The following AFF3 variants were observed in gnomAD, a reference collection of about 807,000 sequenced individuals.
AFF3 encodes the protein ALF transcription elongation factor 3, also known as AF4/FMR2 family member 3.
In AFF3, 32 loss-of-function variants were observed where a neutral mutation model predicts 129.7. The ratio of observed to expected loss-of-function variants is 0.25; its 90% CI spans 0.19 to 0.33. AFF3 has a LOEUF of 0.33. Among genes scored for constraint, AFF3 ranks in the 10% least tolerant of loss-of-function variants. The probability of loss-of-function intolerance (pLI) is 1.00; values close to 1 mark genes in which losing one functional copy is unlikely to be tolerated. For synonymous variants in AFF3, 644 were observed against 635.4 expected (o/e 1.01, Z -0.20); for missense variants, 1,373 against 1,592.0 (o/e 0.86, Z 2.34).
chr2:100,141,482 C>T (rs1423879400), intron 1 of AFF3, among the ~76,000 whole-genome samples: 1 of 152,198 alleles, frequency 6.6e-6, no homozygotes, highest in Non-Finnish European at 1.5e-5. Flanking sequence ...GGAACACATG[C>T]TTTTAATAAT....
intron 7 of AFF3, among the ~76,000 whole-genome samples, chr2:99,939,591 A>G (rs1409130184): frequency 2.6e-5 from 4 of 152,326 alleles, no homozygotes; most frequent in East Asian, 1.9e-4. Context: ...GAATCACCCA[A>G]GATGAAAAAT....
intron 13 of AFF3, among the ~76,000 whole-genome samples, chr2:99,613,724 G>A (rs975887755): frequency 5.3e-5 from 8 of 152,128 alleles, no homozygotes; most frequent in Non-Finnish European, 7.3e-5. Flanking sequence ...TGTGTTGAAT[G>A]CTTGTTTCAG....
At chr2:100,042,501 T>C (rs1033934251) in intron 4 of AFF3, among the ~76,000 whole-genome samples, 9 of 152,276 alleles carry the variant, frequency 5.9e-5, no homozygotes, top group Admixed American at 5.9e-4. Context: ...GTTACACAGA[T>C]GAATGCTGTG....
intron 7 of AFF3, among the ~76,000 whole-genome samples, chr2:99,959,216 A>T (rs1306581544): frequency 6.6e-6 from 1 of 152,046 alleles, no homozygotes; most frequent in Admixed American, 6.6e-5. Flanking sequence ...CAAAAGGCTA[A>T]GCCCTAAGTA....
intron 4 of AFF3, among the ~76,000 whole-genome samples, chr2:100,063,362 G>A (rs1573309835): frequency 6.6e-6 from 1 of 151,926 alleles, no homozygotes; most frequent in African/African-American, 2.4e-5. Context: ...TAACTGAACT[G>A]CGTACACTTA....
intron 10 of AFF3, among the ~76,000 whole-genome samples, chr2:99,739,298 A>T (rs1374529861): frequency 6.6e-6 from 1 of 152,012 alleles, no homozygotes; most frequent in South Asian, 2.1e-4. Context: ...TTCCCTGTTC[A>T]GGGGTATTTT....
chr2:99,800,510 T>G (rs905025070), intron 8 of AFF3, among the ~76,000 whole-genome samples: 2 of 152,216 alleles, frequency 1.3e-5, no homozygotes, highest in Non-Finnish European at 2.9e-5. Context: ...AGTGGGTTTT[T>G]AAGAAAATGT....
At chr2:99,888,265 A>C (rs939954193) in intron 7 of AFF3, among the ~76,000 whole-genome samples, 7 of 152,240 alleles carry the variant, frequency 4.6e-5, no homozygotes, top group Non-Finnish European at 8.8e-5. Context: ...GGAATAAATT[A>C]AAGAGAGCTC....
chr2:99,602,049 C>G (rs1304486217), intron 13 of AFF3, among the ~76,000 whole-genome samples: 1 of 152,126 alleles, frequency 6.6e-6, no homozygotes, highest in Non-Finnish European at 1.5e-5. Context: ...TTTATTTTTG[C>G]CCTAGAGGAA....
chr2:99,990,587 T>G (rs1680251830), intron 7 of AFF3, among the ~76,000 whole-genome samples: 1 of 152,168 alleles, frequency 6.6e-6, no homozygotes, highest in Non-Finnish European at 1.5e-5. Context: ...TCAATTTTTT[T>G]GAGCTGAGGA....
chr2:99,977,958 T>C (rs543362754), intron 7 of AFF3, among the ~76,000 whole-genome samples: 1 of 152,340 alleles, frequency 6.6e-6, no homozygotes, highest in Middle Eastern at 3.4e-3. Flanking sequence ...AACACTGTCC[T>C]GCTCTAAGGA....
At chr2:99,723,025 AAT>A (rs1317722232) in intron 11 of AFF3, among the ~76,000 whole-genome samples, 2 of 152,174 alleles carry the variant, frequency 1.3e-5, no homozygotes, top group Admixed American at 1.3e-4. Flanking sequence ...TTAGACTATG[AAT>A]AGTTTTTTTA....
At chr2:99,933,614 T>C (rs1016822980) in intron 7 of AFF3, among the ~76,000 whole-genome samples, 1 of 152,114 alleles carries the variant, frequency 6.6e-6, no homozygotes, top group African/African-American at 2.4e-5. Context: ...TCTGTTCTTG[T>C]GATAGTTTGC....
intron 8 of AFF3, among the ~76,000 whole-genome samples, chr2:99,811,502 C>T (rs1220075133): frequency 2.0e-5 from 3 of 152,094 alleles, no homozygotes; most frequent in Non-Finnish European, 4.4e-5. Context: ...TTATCCTCCC[C>T]GTACTGCAAA....
At chr2:99,700,120 CTCCT>C (rs1180311567) in intron 11 of AFF3, among the ~76,000 whole-genome samples, 1 of 114,200 alleles carries the variant, frequency 8.8e-6, no homozygotes, top group Non-Finnish European at 1.7e-5. Flanking sequence ...GCTTCAAAGC[CTCCT>C]TTTTTTTTTT....
At chr2:99,671,064 T>C (rs1385858990) in intron 12 of AFF3, among the ~76,000 whole-genome samples, 1 of 152,224 alleles carries the variant, frequency 6.6e-6, no homozygotes, top group African/African-American at 2.4e-5. Context: ...CAGGAAATTA[T>C]TTCCAAATTT....
intron 7 of AFF3, among the ~76,000 whole-genome samples, chr2:99,908,918 G>A (rs1392692206): frequency 3.9e-5 from 6 of 152,144 alleles, no homozygotes; most frequent in Admixed American, 1.3e-4. Context: ...TCGGTGTGGC[G>A]ATTCCTCAGG....
intron 8 of AFF3, among the ~76,000 whole-genome samples, chr2:99,827,582 C>A (rs7596023): frequency 0.88 from 133,174 of 151,704 alleles, 58,580 homozygotes; most frequent in African/African-American, 0.94. Flanking sequence ...CACAGAGAGA[C>A]TTTGGTCTGG....
At chr2:99,824,070 ACCC>A (rs922133917) in intron 8 of AFF3, among the ~76,000 whole-genome samples, 1 of 151,854 alleles carries the variant, frequency 6.6e-6, no homozygotes, top group Non-Finnish European at 1.5e-5. Flanking sequence ...CATGCCATGT[ACCC>A]CCCAATCTAA....
Sources: allele counts gnomAD v4.1 joint callset (sites outside exome capture counted in the v4.1 genomes callset), GRCh38; gene constraint gnomAD v4.1.1; transcripts MANE v1.5; gene names NCBI Gene and HGNC (gene_info 2026-07-23, HGNC 2026-07-21).